Variants in ADAM2 observed in about 807,000 individuals in gnomAD.
The protein encoded by ADAM2 is ADAM metallopeptidase domain 2.
Under a neutral mutation model 99.3 loss-of-function variants are expected in ADAM2, and 101 were observed. That is an observed-to-expected ratio of 1.02 (90% CI 0.87 to 1.20). ADAM2 has a LOEUF of 1.20. Ranked by LOEUF, ADAM2 falls within the 50% of genes most tolerant of loss-of-function variation. The pLI, the probability that ADAM2 is intolerant of heterozygous loss-of-function variation, is 0.00. For synonymous variants in ADAM2, 323 were observed against 287.6 expected, an observed-to-expected ratio of 1.12 and a Z score of -1.25; for missense variants, 948 against 878.7, an observed-to-expected ratio of 1.08 and a Z score of -1.00.
intron 6 of ADAM2, 111 bp downstream of exon 6, chr8:39,820,891 A>T (rs1348643971): frequency 5.0e-6 from 3 of 602,104 alleles, no homozygotes; most frequent in Admixed American, 2.9e-5. Context: ...ACATGTGGCT[A>T]TATGTTTTGG....
intron 3 of ADAM2, among the ~76,000 whole-genome samples, chr8:39,832,341 T>C (rs1403334005): frequency 6.6e-6 from 1 of 152,162 alleles, no homozygotes; most frequent in African/African-American, 2.4e-5. Flanking sequence ...ACTAACTAGT[T>C]ACCAAGATAG....
At chr8:39,825,271 A>G (rs1023218409) in intron 3 of ADAM2, among the ~76,000 whole-genome samples, 3 of 152,128 alleles carry the variant, frequency 2.0e-5, no homozygotes, top group Non-Finnish European at 4.4e-5. Flanking sequence ...TAAAATGTCA[A>G]CTTGTTCAAT....
In ADAM2 at chr8:39,747,037, C is replaced by T. The variant is rs558029027; in HGVS notation, c.2015-406G>A. 1.1e-4 allele frequency among the ~76,000 whole-genome samples: 17 copies of T among 152,294 alleles called. 1 individual carries two copies. Among genetic ancestry groups the T allele is most frequent in the Admixed American group, 4.6e-4 (7 of 15,290 alleles). Reference sequence around the variant, plus strand: ...CTTCCAAGAATTTGGTTCAGTTCACCTGTGAAACCATCTATGCCTATAGTT... The same window carrying T: ...CTTCCAAGAATTTGGTTCAGTTCACTTGTGAAACCATCTATGCCTATAGTT... On this transcript the variant is annotated intron_variant, in intron 18 of 20. Coordinates refer to ENST00000265708, the MANE Select transcript of ADAM2 (RefSeq NM_001464.5).
intron 15 of ADAM2, among the ~76,000 whole-genome samples, chr8:39,758,063 C>A (rs1563338156): frequency 6.6e-6 from 1 of 151,986 alleles, no homozygotes; most frequent in Non-Finnish European, 1.5e-5. Context: ...TATGAGGAAG[C>A]AACTTGTATA....
chr8:39,791,241 G>A (rs1002694290), intron 7 of ADAM2, among the ~76,000 whole-genome samples: 6 of 151,880 alleles, frequency 4.0e-5, no homozygotes, highest in African/African-American at 1.5e-4. Context: ...ATCAAAAGGG[G>A]CCCAGTTAAT....
At chr8:39,836,643 A>G (rs1264949382) in intron 2 of ADAM2, among the ~76,000 whole-genome samples, 1 of 152,202 alleles carries the variant, frequency 6.6e-6, no homozygotes, top group Admixed American at 6.5e-5. Flanking sequence ...TTTTAAAAAG[A>G]GAGTAATAAT....
intron 3 of ADAM2, among the ~76,000 whole-genome samples, chr8:39,828,391 T>C (rs1410764903): frequency 2.6e-5 from 4 of 151,774 alleles, no homozygotes; most frequent in Non-Finnish European, 4.4e-5. Flanking sequence ...CAAGAGTTGA[T>C]ATGTTAACGT....
At chr8:39,818,247 G>A (rs894096215) in intron 6 of ADAM2, among the ~76,000 whole-genome samples, 4 of 151,964 alleles carry the variant, frequency 2.6e-5, no homozygotes, top group African/African-American at 9.7e-5. Flanking sequence ...AGAGAGACTG[G>A]ATACAAGGTT....
intron 7 of ADAM2, among the ~76,000 whole-genome samples, chr8:39,795,892 C>A (rs913444620): frequency 6.6e-6 from 1 of 152,096 alleles, no homozygotes; most frequent in Admixed American, 6.6e-5. Flanking sequence ...AAACATGTTT[C>A]TCACTGCACT....
rs909989602 is a variant in ADAM2 at position 39,767,228 on chromosome 8, T to C, written c.1236A>G (p.Thr412=). 9 of 1,606,772 alleles carry C rather than the reference T, an allele frequency of 5.6e-6. No individual in the cohort carries two copies. In the African/African-American group the frequency reaches 9.4e-5, roughly 17 times the overall value. Residue 412 remains threonine (T), a synonymous_variant, in exon 13 of 21, where the codon ACA becomes ACG. Coordinates refer to ENST00000265708, the MANE Select transcript of ADAM2 (RefSeq NM_001464.5). ...TEQDCALIGE[T]CCDIATCRFK... is the part of the protein sequence containing the mutation. ...ATCTACATGTGGCAATATCACAGCA[T>C]GTTTCTCCAATAAGGGCACAATCCT... is the stretch of plus-strand genomic sequence containing the variant.
intron 15 of ADAM2, 58 bp downstream of exon 15, chr8:39,761,118 G>T (rs10093751): frequency 0.66 from 708,970 of 1,070,652 alleles, 238,054 homozygotes; most frequent in African/African-American, 0.87. Context: ...TTGTTTGATG[G>T]TATTTTCAAA....
At chr8:39,834,753 A>AG (rs1805755463) in intron 2 of ADAM2, among the ~76,000 whole-genome samples, 1 of 151,438 alleles carries the variant, frequency 6.6e-6, no homozygotes, top group Admixed American at 6.6e-5. Context: ...AAAAAAAAAA[A>AG]AAAAGGTTTT....
rs1802804564 is a variant in ADAM2 at position 39,772,069 on chromosome 8, A to C, written c.1029-2494T>G. Among the ~76,000 whole-genome samples, 4 of 151,548 alleles carry C rather than the reference A, an allele frequency of 2.6e-5. No homozygotes were observed. In the South Asian group the frequency reaches 8.3e-4, roughly 31 times the overall value. On this transcript the variant is annotated intron_variant, in intron 11 of 20. Transcript: ENST00000265708. ...TTGTGCACATGTACCCTAGAACTTA[A>C]AAGTATAATAAAAAAAAAGAAAGAG...
intron 8 of ADAM2, 74 bp downstream of exon 8, chr8:39,788,595 T>A: frequency 9.8e-7 from 1 of 1,015,488 alleles, no homozygotes. Flanking sequence ...TGGATTCATG[T>A]AGTGTCATAA....
intron 10 of ADAM2, among the ~76,000 whole-genome samples, chr8:39,785,001 T>A (rs1803401969): frequency 6.6e-6 from 1 of 152,178 alleles, no homozygotes; most frequent in Admixed American, 6.6e-5. Flanking sequence ...TTTCTGTAGG[T>A]TGTCTGTTTA....
intron 7 of ADAM2, among the ~76,000 whole-genome samples, chr8:39,796,094 G>A (rs1263044556): frequency 3.3e-5 from 5 of 151,276 alleles, no homozygotes; most frequent in African/African-American, 4.9e-5. Context: ...AAAAAAAACA[G>A]GATACATGTG....
At position 39,786,471 on chromosome 8, in the gene ADAM2, G is replaced by A. The variant is rs532367821; in HGVS notation, c.891+503C>T. ...AATAGTGATAGTATTATGAAATAAC[G>A]GCAAAAATATATCAGTTTTGAATAC... On this transcript the variant is annotated intron_variant, in intron 10 of 20. Transcript: ENST00000265708. Among the ~76,000 whole-genome samples, 12 of 151,844 alleles carry A rather than the reference G, an allele frequency of 7.9e-5. No homozygotes were observed. In the East Asian group the frequency reaches 9.7e-4, roughly 12 times the overall value.
chr8:39,757,428 G>A (rs1002480224), intron 15 of ADAM2, among the ~76,000 whole-genome samples: 2 of 152,138 alleles, frequency 1.3e-5, no homozygotes, highest in African/African-American at 4.8e-5. Flanking sequence ...ATTTATGAAA[G>A]CACATCCAAG....
intron 14 of ADAM2, among the ~76,000 whole-genome samples, chr8:39,765,231 T>C (rs7835497): frequency 0.22 from 34,051 of 151,856 alleles, 4,897 homozygotes; most frequent in African/African-American, 0.4. Context: ...ACTTTTGGCA[T>C]AGGGTAGAAA....
Sources: allele counts gnomAD v4.1 joint callset (sites outside exome capture counted in the v4.1 genomes callset), GRCh38; gene constraint gnomAD v4.1.1; transcripts MANE v1.5; gene names NCBI Gene and HGNC (gene_info 2026-07-23, HGNC 2026-07-21).